GLYR1: variants seen among roughly 807,000 people sequenced by gnomAD.
GLYR1 encodes glyoxylate reductase 1 homolog, also known as cytokine-like nuclear factor N-PAC.
Under a neutral mutation model 72.7 loss-of-function variants are expected in GLYR1, and 21 were observed. The ratio of observed to expected loss-of-function variants is 0.29; its 90% confidence interval spans 0.20 to 0.42. GLYR1 has a LOEUF of 0.42. GLYR1 is among the 10% of genes least tolerant of loss of function. GLYR1 has a pLI of 1.00. For synonymous variants in GLYR1, 392 were observed against 270.2 expected (o/e 1.45, Z -4.42); for missense variants, 594 against 712.1 (o/e 0.83, Z 1.89).
At chr16:4,817,878 T>C in intron 9 of GLYR1, 181 bp from the exon 10 acceptor site, 1 of 590,586 alleles carries the variant, frequency 1.7e-6, no homozygotes, top group Non-Finnish European at 3.0e-6. Context: ...GGTCTTCTCT[T>C]ATGCCATGGT....
intron 3 of GLYR1, among the ~76,000 whole-genome samples, chr16:4,837,692 A>G (rs900731168): frequency 2.9e-4 from 44 of 151,992 alleles, no homozygotes; most frequent in African/African-American, 1.1e-3. Flanking sequence ...GCTCACGCCT[A>G]TAATCCTAGC....
At chr16:4,816,454 T>C (rs1298223340) in intron 10 of GLYR1, among the ~76,000 whole-genome samples, 28 of 152,184 alleles carry the variant, frequency 1.8e-4, no homozygotes, top group Non-Finnish European at 2.9e-5. Context: ...AAATTATTAA[T>C]TAGCACCCTA....
chr16:4,831,931 T>C (rs755604223), intron 5 of GLYR1, 48 bp downstream of exon 5: 3 of 1,591,444 alleles, frequency 1.9e-6, no homozygotes, highest in Non-Finnish European at 1.7e-6. Flanking sequence ...CTCTACCTTG[T>C]ACTAAAAGGA....
At chr16:4,818,143 C>T (rs968461564) in intron 9 of GLYR1, among the ~76,000 whole-genome samples, 4 of 152,060 alleles carry the variant, frequency 2.6e-5, no homozygotes, top group Non-Finnish European at 4.4e-5. Context: ...TACAGGCGCA[C>T]GCCACCATGC....
At chr16:4,814,109 C>T (rs113247067) in intron 11 of GLYR1, among the ~76,000 whole-genome samples, 50 of 150,870 alleles carry the variant, frequency 3.3e-4, no homozygotes, top group African/African-American at 1.2e-3. Context: ...TAAACCTCAG[C>T]ATTTACTTTG....
intron 3 of GLYR1, 183 bp from the exon 4 acceptor site, chr16:4,833,095 C>T (rs1039730748): frequency 2.1e-6 from 1 of 473,698 alleles, no homozygotes; most frequent in African/African-American, 2.0e-5. Context: ...AGTATATTTT[C>T]TTGAAACAAG....
At chr16:4,843,593 C>G (rs1160738379) in intron 3 of GLYR1, 4 of 1,289,120 alleles carry the variant, frequency 3.1e-6, no homozygotes, top group Non-Finnish European at 4.0e-6. Context: ...AGAAATGGGG[C>G]TGGGTCTATC....
At position 4,817,601 on chromosome 16, in the gene GLYR1, C is replaced by G; in HGVS notation, c.903G>C (p.Glu301Asp). The G allele has an allele frequency of 2.5e-6, 4 of 1,602,664 alleles. No individual in the cohort carries two copies. The highest frequency in any genetic ancestry group is 3.4e-6 in the Non-Finnish European group (4 of 1,169,524). Residue 301 changes from glutamate to aspartate, a missense_variant, in exon 10 of 16, where the codon GAG becomes GAC. This residue lies in a region of GLYR1 where 266 missense variants were observed against 358.4 expected (regional missense o/e 0.74). Coordinates refer to ENST00000321919, the MANE Select transcript of GLYR1 (RefSeq NM_032569.4). ...HTVTVWNRTA[E>D]KCDLFIQEGA... ...GGCACCACCCCTGAATGCTTACTTT[C>G]TCTGCAGTGCGGTTCCAGACAGTCA...
intron 5 of GLYR1, among the ~76,000 whole-genome samples, chr16:4,830,746 G>A (rs934805422): frequency 5.9e-5 from 9 of 152,190 alleles, no homozygotes; most frequent in Admixed American, 3.9e-4. Context: ...TTGTAAGACC[G>A]GCCCCAAATC....
chr16:4,810,653 G>A (rs2083271409), intron 15 of GLYR1, among the ~76,000 whole-genome samples: 3 of 130,022 alleles, frequency 2.3e-5, no homozygotes, highest in Non-Finnish European at 3.1e-5. Context: ...CACGAGGTCA[G>A]GAGATCGAGA....
chr16:4,830,717 G>T (rs2084741754), intron 5 of GLYR1, among the ~76,000 whole-genome samples: 1 of 152,162 alleles, frequency 6.6e-6, no homozygotes, highest in Non-Finnish European at 1.5e-5. Context: ...CCTTCACTTT[G>T]AAATTCTTCT....
At chr16:4,836,811 T>TG (rs1168357198) in intron 3 of GLYR1, among the ~76,000 whole-genome samples, 13 of 146,096 alleles carry the variant, frequency 8.9e-5, no homozygotes, top group African/African-American at 3.1e-4. Context: ...CATATTATAT[T>TG]GGAAAAAAAA....
chr16:4,813,120 G>A (rs199871153), intron 12 of GLYR1, among the ~76,000 whole-genome samples: 2 of 152,014 alleles, frequency 1.3e-5, no homozygotes, highest in African/African-American at 4.8e-5. Context: ...CCGCCACCGC[G>A]TCCGGCTAAT....
chr16:4,806,703 A>G (rs2082998115), intron 15 of GLYR1, among the ~76,000 whole-genome samples: 1 of 151,888 alleles, frequency 6.6e-6, no homozygotes. Context: ...GATTAACTCT[A>G]TCTTAAGGAT....
At chr16:4,834,773 C>G (rs2085027349) in intron 3 of GLYR1, among the ~76,000 whole-genome samples, 1 of 152,116 alleles carries the variant, frequency 6.6e-6, no homozygotes, top group Admixed American at 6.6e-5. Flanking sequence ...TTTCCAGTGA[C>G]CAACTCATCT....
rs1188065411 is a variant in GLYR1 at position 4,847,257 on chromosome 16, A to C, written c.9T>G (p.Ala3=). Residue 3 remains alanine (A), a synonymous_variant, in exon 1 of 16, where the codon GCT becomes GCG. Transcript: ENST00000321919. MA[A]VSLRLGDLVW... ...CCAAGTCGCCGAGCCGCAGACTCACAGCCGCCATCTTACCACCCAACCACC... is the reference window on the plus strand; with the variant it reads ...CCAAGTCGCCGAGCCGCAGACTCACCGCCGCCATCTTACCACCCAACCACC... 2.2e-5 allele frequency: 35 copies of C among 1,609,874 alleles called. No homozygotes were observed. The highest frequency in any genetic ancestry group is 3.0e-5 in the Non-Finnish European group (35 of 1,178,924).
chr16:4,831,387 C>T (rs952053062), intron 5 of GLYR1, among the ~76,000 whole-genome samples: 3 of 152,196 alleles, frequency 2.0e-5, no homozygotes, highest in Non-Finnish European at 2.9e-5. Context: ...GCTTTAGTAC[C>T]ACGCTGCTTC....
chr16:4,812,240 C>T lies in GLYR1; in HGVS notation c.1128G>A (p.Val376=), dbSNP rs1391212204. 2 of 1,612,430 alleles carry T rather than the reference C, an allele frequency of 1.2e-6. No homozygotes were observed. Among genetic ancestry groups the T allele is most frequent in the Non-Finnish European group, 1.7e-6 (2 of 1,179,674 alleles). The change falls in exon 13 of 16, where the codon GTG becomes GTA. Residue 376 remains valine, a synonymous_variant. Transcript: ENST00000321919. The part of the protein sequence containing the change: ...DTVTELAQVI[V]SRGGRFLEAP... The stretch of plus-strand genomic sequence containing the variant: ...CTTCCAGAAAGCGCCCCCCCCTGGA[C>T]ACAATCACCTGGAAAGAAAAGTCAC...
At chr16:4,829,053 G>C (rs1382053066) in intron 5 of GLYR1, among the ~76,000 whole-genome samples, 1 of 151,976 alleles carries the variant, frequency 6.6e-6, no homozygotes, top group South Asian at 2.1e-4. Flanking sequence ...TTTAGATCAT[G>C]TTCCCTATAA....
Sources: gnomAD v4.1 joint callset for allele counts (sites outside exome capture counted in the v4.1 genomes callset) on GRCh38, gnomAD v4.1.1 for gene constraint, gnomAD v4.1.1 regional missense constraint, MANE v1.5 for transcripts, NCBI Gene and HGNC (gene_info 2026-07-23, HGNC 2026-07-21) for gene names.